KHDRBS2: variants seen among roughly 807,000 people sequenced by gnomAD.
The protein encoded by KHDRBS2 is KH RNA binding domain containing, signal transduction associated 2, also known as KH domain-containing, RNA-binding, signal transduction-associated protein 2.
Under a neutral mutation model 44.3 loss-of-function variants are expected in KHDRBS2, and 26 were observed. The observed-to-expected ratio is 0.59, with a 90% CI of 0.43 to 0.81. The LOEUF is 0.81. Ranked by LOEUF, KHDRBS2 falls within the 40% of genes least tolerant of loss-of-function variation. The pLI is 0.00. For synonymous variants in KHDRBS2, 194 were observed against 151.1 expected (o/e 1.28, Z -2.08); for missense variants, 476 against 433.1 (o/e 1.10, Z -0.88).
the KHDRBS2 span, among the ~76,000 whole-genome samples, chr6:61,584,517 T>C: frequency 2.4e-4 from 37 of 152,030 alleles, no homozygotes; most frequent in African/African-American, 5.8e-4. Flanking sequence ...GGTAAACTAA[T>C]CTTGCATTTG....
intron 4 of KHDRBS2, among the ~76,000 whole-genome samples, chr6:61,939,135 A>T (rs1562478638): frequency 6.6e-6 from 1 of 152,110 alleles, no homozygotes; most frequent in Non-Finnish European, 1.5e-5. Flanking sequence ...ACCAAAAATT[A>T]TCTGGCCTGA....
At chr6:61,851,657 A>G (rs1200709397) in intron 6 of KHDRBS2, among the ~76,000 whole-genome samples, 1 of 152,186 alleles carries the variant, frequency 6.6e-6, no homozygotes, top group Non-Finnish European at 1.5e-5. Context: ...TCTGCTGACA[A>G]CTTAGTCTTG....
chr6:62,056,022 C>G (rs1228127621), intron 2 of KHDRBS2, among the ~76,000 whole-genome samples: 1 of 151,950 alleles, frequency 6.6e-6, no homozygotes, highest in Non-Finnish European at 1.5e-5. Flanking sequence ...TGGTTTCTCC[C>G]CTGTGCTCTG....
chr6:61,744,783 A>G (rs1776635409), intron 6 of KHDRBS2, among the ~76,000 whole-genome samples: 1 of 152,044 alleles, frequency 6.6e-6, no homozygotes, highest in African/African-American at 2.4e-5. Flanking sequence ...CAAGGGGAGT[A>G]CAAGCCAGTA....
intron 2 of KHDRBS2, among the ~76,000 whole-genome samples, chr6:62,175,659 C>T (rs191794789): frequency 6.6e-6 from 1 of 151,420 alleles, no homozygotes; most frequent in Non-Finnish European, 1.5e-5. Flanking sequence ...GCTGGTGATC[C>T]GTGGTCCACG....
chr6:61,846,087 G>T (rs900876309), intron 6 of KHDRBS2, among the ~76,000 whole-genome samples: 10 of 152,040 alleles, frequency 6.6e-5, no homozygotes, highest in African/African-American at 2.2e-4. Flanking sequence ...TTGGCCTTCC[G>T]CCCTGAGTAA....
At position 62,193,317 on chromosome 6, in the gene KHDRBS2, T is replaced by G. The variant is rs1435453791; in HGVS notation, c.92-16005A>C. On this transcript the variant is annotated intron_variant, in intron 1 of 8. Coordinates refer to ENST00000281156, the MANE Select transcript of KHDRBS2 (RefSeq NM_152688.4). ...ATAGGCCACCATTTTGTAAACTGAT[T>G]CTGTGCTTGGAGACAGTAAATGTAG... 3.9e-5 allele frequency among the ~76,000 whole-genome samples: 6 copies of G among 152,096 alleles called. No homozygotes were observed. In the East Asian group the frequency reaches 7.7e-4, roughly 20 times the overall value.
At chr6:62,049,872 G>T (rs1174522073) in intron 2 of KHDRBS2, among the ~76,000 whole-genome samples, 5 of 152,086 alleles carry the variant, frequency 3.3e-5, no homozygotes, top group African/African-American at 9.7e-5. Context: ...CATTGTGGAA[G>T]ACAGTGTGTT....
chr6:61,649,558 G>A, the KHDRBS2 span, among the ~76,000 whole-genome samples: 1 of 152,216 alleles, frequency 6.6e-6, no homozygotes, highest in East Asian at 1.9e-4. Flanking sequence ...CTCCACTGGG[G>A]TGTCACATAA....
At chr6:62,208,908 C>G (rs1476961983) in intron 1 of KHDRBS2, among the ~76,000 whole-genome samples, 1 of 152,122 alleles carries the variant, frequency 6.6e-6, no homozygotes, top group African/African-American at 2.4e-5. Context: ...AGGTCTTTGT[C>G]CATAGGGGAA....
intron 1 of KHDRBS2, among the ~76,000 whole-genome samples, chr6:62,281,550 G>A (rs7772645): frequency 0.17 from 26,033 of 151,946 alleles, 2,506 homozygotes; most frequent in African/African-American, 0.26. Flanking sequence ...AACCCAGGAG[G>A]CAGAGGTTGC....
intron 2 of KHDRBS2, among the ~76,000 whole-genome samples, chr6:62,160,425 G>A (rs1175670472): frequency 1.3e-5 from 2 of 152,122 alleles, no homozygotes; most frequent in Non-Finnish European, 2.9e-5. Context: ...AGGGCCAAGT[G>A]TTAGGAATGC....
At chr6:61,823,511 C>A (rs1361938581) in intron 6 of KHDRBS2, among the ~76,000 whole-genome samples, 1 of 151,758 alleles carries the variant, frequency 6.6e-6, no homozygotes, top group Non-Finnish European at 1.5e-5. Flanking sequence ...GCCAAGTGAG[C>A]AAGTTCAGAA....
At chr6:61,667,222 G>T in the KHDRBS2 span, among the ~76,000 whole-genome samples, 1 of 149,374 alleles carries the variant, frequency 6.7e-6, no homozygotes, top group Non-Finnish European at 1.5e-5. Context: ...TCTAGTGGTA[G>T]AATAACAACT....
chr6:62,140,448 G>A (rs1457022014), intron 2 of KHDRBS2, among the ~76,000 whole-genome samples: 3 of 152,142 alleles, frequency 2.0e-5, no homozygotes, highest in African/African-American at 7.2e-5. Context: ...GACTTTTGTA[G>A]TGAACATGGA....
intron 6 of KHDRBS2, among the ~76,000 whole-genome samples, chr6:61,872,873 G>T (rs890753452): frequency 6.6e-6 from 1 of 152,078 alleles, no homozygotes; most frequent in African/African-American, 2.4e-5. Flanking sequence ...CTTGGAATCT[G>T]ATCTTCACAT....
intron 6 of KHDRBS2, among the ~76,000 whole-genome samples, chr6:61,785,348 G>A (rs1355485489): frequency 3.3e-5 from 5 of 152,044 alleles, no homozygotes; most frequent in Non-Finnish European, 7.4e-5. Context: ...TGTAGGAAAA[G>A]TAATATTCCT....
intron 3 of KHDRBS2, among the ~76,000 whole-genome samples, chr6:62,001,073 C>A (rs1245166936): frequency 1.7e-4 from 26 of 152,122 alleles, no homozygotes; most frequent in Non-Finnish European, 3.7e-4. Flanking sequence ...CCCTTCCTGG[C>A]CTCATTCAGA....
chr6:61,580,100 G>C, the KHDRBS2 span, among the ~76,000 whole-genome samples: 1 of 152,190 alleles, frequency 6.6e-6, no homozygotes, highest in East Asian at 1.9e-4. Context: ...TGAAAACAGA[G>C]ATCTTACAGC....
Sources: allele counts gnomAD v4.1 joint callset (sites outside exome capture counted in the v4.1 genomes callset), GRCh38; gene constraint gnomAD v4.1.1; transcripts MANE v1.5; gene names NCBI Gene and HGNC (gene_info 2026-07-23, HGNC 2026-07-21).